Variants in PRDM9 observed in about 807,000 individuals in gnomAD.
PRDM9 encodes histone-lysine N-methyltransferase PRDM9.
PRDM9 carries 47 observed loss-of-function variants against 55.6 expected under a neutral mutation model. That is an observed-to-expected ratio of 0.85 (90% CI 0.67 to 1.08). The LOEUF (loss-of-function observed/expected upper bound fraction) is 1.08, where lower values mean the gene tolerates loss of function less well. Among genes scored for constraint, PRDM9 ranks in the 50% least tolerant of loss-of-function variants. The pLI, the probability that PRDM9 is intolerant of heterozygous loss-of-function variation, is 0.00. For synonymous variants in PRDM9, 312 were observed against 375.7 expected (o/e 0.83, Z 1.96); for missense variants, 867 against 1,040.3 (o/e 0.83, Z 2.29).
chr5:23,523,483 A>G (rs1739374737), intron 9 of PRDM9, 125 bp downstream of exon 9: 3 of 1,012,326 alleles, frequency 3.0e-6, no homozygotes, highest in Admixed American at 3.9e-5. Context: ...TTCTCCATAC[A>G]ATGCTGTTTT....
At chr5:23,515,739 A>C (rs1195305008) in intron 4 of PRDM9, among the ~76,000 whole-genome samples, 2 of 152,098 alleles carry the variant, frequency 1.3e-5, no homozygotes, top group Non-Finnish European at 2.9e-5. Context: ...TGTATATCCA[A>C]TTTTCCCAAC....
At position 23,526,313 on chromosome 5, in the gene PRDM9, C is replaced by A; in HGVS notation, c.1225C>A (p.Arg409Ser). Residue 409 changes from arginine to serine, a missense_variant, in exon 11 of 11, where the codon CGC becomes AGC. This residue lies in a region of PRDM9 where 662 missense variants were observed against 711.9 expected (regional missense o/e 0.93). Transcript: ENST00000296682. ...SQKFLSQHVE[R>S]NHSSQNFPGP... ...GAAATTTCTCAGTCAACATGTAGAA[C>A]GCAATCACTCCTCTCAGAACTTCCC... 6.2e-7 allele frequency: 1 copy of A among 1,614,140 alleles called. No homozygotes were observed. The highest frequency in any genetic ancestry group is 8.5e-7 in the Non-Finnish European group (1 of 1,180,032).
chr5:23,509,851 C>T, intron 3 of PRDM9, 69 bp from the exon 4 acceptor site: 1 of 1,550,298 alleles, frequency 6.5e-7, no homozygotes, highest in South Asian at 1.1e-5. Context: ...TGGTGCTTTC[C>T]ATTGCCACTG....
chr5:23,509,480 C>G lies in PRDM9; in HGVS notation c.80C>G (p.Ala27Gly), dbSNP rs1739047399. The change falls in exon 3 of 11, where the codon GCC (alanine) becomes GGC (glycine). Residue 27 changes from alanine (A) to glycine (G), a missense_variant. Ala to Gly is a moderately conservative substitution (Grantham distance 60). Transcript: ENST00000296682. ...TGTTACTTCCTCTAGGTCAAAGATG[C>G]CTTCAAAGACATTTCCATATACTTC... Reference protein sequence around the residue: ...RTERKPMVKDAFKDISIYFTK... With the variant: ...RTERKPMVKDGFKDISIYFTK... 1 of 1,613,992 alleles carries G rather than the reference C, an allele frequency of 6.2e-7. No homozygotes were observed. Among genetic ancestry groups the G allele is most frequent in the African/African-American group, 1.3e-5 (1 of 74,900 alleles).
chr5:23,523,209 GGCCATTGAC>G, intron 8 of PRDM9, 73 bp from the exon 9 acceptor site: 1 of 1,488,724 alleles, frequency 6.7e-7, no homozygotes, highest in Non-Finnish European at 9.4e-7. Flanking sequence ...CAGGCCCAAA[GGCCATTGAC>G]GACAGTGGAG....
Position 23,517,871 on chromosome 5 carries a change from C to A in PRDM9, c.302-10C>A. 6.3e-7 allele frequency: 1 copy of A among 1,582,138 alleles called. No individual in the cohort carries two copies. The highest frequency in any genetic ancestry group is 8.7e-7 in the Non-Finnish European group (1 of 1,150,848). ...ACCAACCAAACCACTGATTTCTCAT[C>A]ACCTTTTAGTCAAACCTCCTTGGAT... On this transcript the variant is annotated splice_polypyrimidine_tract_variant and intron_variant, in intron 4 of 10. Transcript: ENST00000296682.
chr5:23,522,293 C>G lies in PRDM9; in HGVS notation c.509-11C>G, dbSNP rs768136984. 3 of 1,603,862 alleles carry G rather than the reference C, an allele frequency of 1.9e-6. No homozygotes were observed. The highest frequency in any genetic ancestry group is 3.3e-5 in the Admixed American group (2 of 59,968). On this transcript the variant is annotated splice_polypyrimidine_tract_variant and intron_variant, in intron 6 of 10. Transcript: ENST00000296682. ...TTCCCAATTTTACCCGTCTACTCTT[C>G]TCCAACCTAGAACTCAGGAAGAAGG...
In PRDM9 at chr5:23,522,863, C is replaced by A. The variant is rs1325974147; in HGVS notation, c.860C>A (p.Ala287Asp). The part of the protein sequence containing the change: ...EGRITEDEEA[A>D]NNGYSWLITK... ...CGAATTACAGAAGACGAAGAGGCAG[C>A]CAACAATGGATACTCCTGGCTGGTA... The change falls in exon 8 of 11, where the codon GCC becomes GAC. Residue 287 changes from alanine (A) to aspartate (D), a missense_variant. Physicochemically the swap from Ala to Asp is moderately radical, Grantham distance 126 (BLOSUM62 -2). Around this residue, in one of 5 missense-constraint regions of PRDM9, gnomAD observed 662 missense variants for 711.9 expected, o/e 0.93. Coordinates refer to ENST00000296682, the MANE Select transcript of PRDM9 (RefSeq NM_020227.4). 2 of 1,614,262 alleles carry A rather than the reference C, an allele frequency of 1.2e-6. No homozygotes were observed. The highest frequency in any genetic ancestry group is 3.3e-5 in the Admixed American group (2 of 60,026).
intron 9 of PRDM9, 72 bp from the exon 10 acceptor site, chr5:23,524,262 A>T: frequency 6.4e-7 from 1 of 1,559,218 alleles, no homozygotes; most frequent in Non-Finnish European, 8.8e-7. Flanking sequence ...CCAGCAGGTG[A>T]TGGGCCATAC....
chr5:23,520,596 C>T (rs1317916636), intron 5 of PRDM9, among the ~76,000 whole-genome samples: 1 of 151,948 alleles, frequency 6.6e-6, no homozygotes, highest in Non-Finnish European at 1.5e-5. Flanking sequence ...GTTCTGTTCC[C>T]AATCTTACTG....
chr5:23,512,178 T>C (rs149026323), intron 4 of PRDM9, among the ~76,000 whole-genome samples: 1 of 152,340 alleles, frequency 6.6e-6, no homozygotes, highest in East Asian at 1.9e-4. Flanking sequence ...GATCCTCTTA[T>C]ACCAAAATGA....
Position 23,522,963 on chromosome 5 carries a change from A to T in PRDM9, c.882+78A>T. 25 of 1,605,882 alleles carry T rather than the reference A, an allele frequency of 1.6e-5. No individual in the cohort carries two copies. The South Asian group carries it at 2.4e-4, about 16-fold the overall frequency. On this transcript the variant is annotated intron_variant, in intron 8 of 10. Transcript: ENST00000296682. ...CCTTTGGTGGGGCATAATCTTCTAC[A>T]TGTTAGTATATAGGTAAGGATAACA...
chr5:23,516,197 G>A (rs1579590741), intron 4 of PRDM9, among the ~76,000 whole-genome samples: 1 of 152,198 alleles, frequency 6.6e-6, no homozygotes, highest in South Asian at 2.1e-4. Context: ...GCACCGTTTT[G>A]TAGTTTTTAG....
In PRDM9 at chr5:23,526,529, A is replaced by G; in HGVS notation, c.1441A>G (p.Lys481Glu). 1 of 1,614,170 alleles carries G rather than the reference A, an allele frequency of 6.2e-7. No individual in the cohort carries two copies. Among genetic ancestry groups the G allele is most frequent in the Non-Finnish European group, 8.5e-7 (1 of 1,180,012 alleles). Residue 481 changes from lysine to glutamate, a missense_variant, in exon 11 of 11, where the codon AAA (lysine) becomes GAA (glutamate). Around this residue, in one of 5 missense-constraint regions of PRDM9, gnomAD observed 662 missense variants for 711.9 expected, o/e 0.93. Transcript: ENST00000296682. ...EISRAFSSPP[K>E]GQMGSCRVGK... ...TTCAAGGGCCTTTTCTAGCCCACCC[A>G]AAGGACAAATGGGGAGCTGTAGAGT...
intron 4 of PRDM9, 129 bp downstream of exon 4, chr5:23,510,156 G>A (rs1227920460): frequency 7.1e-5 from 65 of 914,844 alleles, no homozygotes; most frequent in Non-Finnish European, 1.1e-4. Flanking sequence ...CCAGGTTCAA[G>A]CGATTCTCCT....
At chr5:23,509,743 C>T in intron 3 of PRDM9, 150 bp downstream of exon 3, 3 of 1,481,854 alleles carry the variant, frequency 2.0e-6, no homozygotes, top group Non-Finnish European at 2.8e-6. Context: ...TCTTTTGCGT[C>T]AGTGCAGGGC....
At position 23,522,641 on chromosome 5, in the gene PRDM9, T is replaced by C. The variant is rs747527740; in HGVS notation, c.638T>C (p.Ile213Thr). 3.7e-6 allele frequency: 6 copies of C among 1,614,130 alleles called. No homozygotes were observed. Among genetic ancestry groups the C allele is most frequent in the African/African-American group, 1.3e-5 (1 of 74,952 alleles). The change falls in exon 8 of 11, where the codon ATT becomes ACT. Residue 213 changes from isoleucine to threonine, a missense_variant. Physicochemically the swap from Ile to Thr is moderately conservative, Grantham distance 89. Coordinates refer to ENST00000296682, the MANE Select transcript of PRDM9 (RefSeq NM_020227.4). Reference protein sequence around the residue: ...LYCEMCQNFFIDSCAAHGPPT... With the variant: ...LYCEMCQNFFTDSCAAHGPPT... ...TGTGAGATGTGTCAGAACTTCTTCA[T>C]TGACAGCTGTGCTGCCCATGGGCCC...
chr5:23,522,123 G>A (rs1739338169), intron 6 of PRDM9, among the ~76,000 whole-genome samples, 181 bp from the exon 7 acceptor site: 2 of 152,198 alleles, frequency 1.3e-5, no homozygotes, highest in Non-Finnish European at 1.5e-5. Context: ...ATATTAAATA[G>A]GCATCTGCAG....
At chr5:23,524,946 C>A (rs959144247) in intron 10 of PRDM9, among the ~76,000 whole-genome samples, 5 of 152,152 alleles carry the variant, frequency 3.3e-5, no homozygotes, top group African/African-American at 1.2e-4. Context: ...AGTGCCAGAC[C>A]ATGTTGCAGG....
Sources: gnomAD v4.1 joint callset for allele counts (sites outside exome capture counted in the v4.1 genomes callset) on GRCh38, gnomAD v4.1.1 for gene constraint, gnomAD v4.1.1 regional missense constraint, MANE v1.5 for transcripts, NCBI Gene and HGNC (gene_info 2026-07-23, HGNC 2026-07-21) for gene names.